ZNF536: variants seen among roughly 807,000 people sequenced by gnomAD.
The protein encoded by ZNF536 is zinc finger protein 536.
Under a neutral mutation model 84.5 loss-of-function variants are expected in ZNF536, and 13 were observed. That is an observed-to-expected ratio of 0.15 (90% CI 0.10 to 0.24). ZNF536 has a LOEUF of 0.24. ZNF536 is among the 10% of genes least tolerant of loss of function. The pLI, the probability that ZNF536 is intolerant of heterozygous loss-of-function variation, is 1.00. For synonymous variants in ZNF536, 811 were observed against 742.5 expected (o/e 1.09, Z -1.50); for missense variants, 1,536 against 1,747.5 (o/e 0.88, Z 2.16).
intron 1 of ZNF536, among the ~76,000 whole-genome samples, chr19:30,595,533 C>T (rs142769789): frequency 2.9e-3 from 441 of 152,180 alleles, no homozygotes; most frequent in Non-Finnish European, 3.4e-3. Flanking sequence ...AGCAATCCTC[C>T]CACCTTGGCC....
At chr19:30,279,511 T>C (rs1051449926) in intron 1 of ZNF536, among the ~76,000 whole-genome samples, 4 of 152,184 alleles carry the variant, frequency 2.6e-5, no homozygotes, top group African/African-American at 7.2e-5. Context: ...AGAGAATCAC[T>C]CAGTGCTTGG....
At chr19:30,251,561 T>C (rs2024612622) in intron 1 of ZNF536, among the ~76,000 whole-genome samples, 1 of 152,228 alleles carries the variant, frequency 6.6e-6, no homozygotes. Context: ...AAACATCATA[T>C]AGTAAATTCG....
rs1288460934 is a variant in ZNF536 at position 30,265,590 on chromosome 19, A to T, written c.-189-18482A>T. ...AGGAACTGGGGAGACGCACTCAGAAAGGGGCTGAATTGCCTGTGGTCCCTG... is the reference window on the plus strand; with the variant it reads ...AGGAACTGGGGAGACGCACTCAGAATGGGGCTGAATTGCCTGTGGTCCCTG... On this transcript the variant is annotated intron_variant, in intron 1 of 5. Coordinates refer to the ZNF536 transcript ENST00000585628. Among the ~76,000 whole-genome samples the T allele has an allele frequency of 2.0e-5, 3 of 152,336 alleles. 1 individual carries two copies. The South Asian group carries it at 6.2e-4, about 32-fold the overall frequency.
intron 2 of ZNF536, among the ~76,000 whole-genome samples, chr19:30,490,067 T>C (rs1437475805): frequency 1.3e-5 from 2 of 152,346 alleles, no homozygotes; most frequent in East Asian, 1.9e-4. Context: ...CATATTTCAA[T>C]TGAGTTTGGT....
chr19:30,377,008 G>C (rs2048845138), intron 1 of ZNF536, among the ~76,000 whole-genome samples: 2 of 152,336 alleles, frequency 1.3e-5, no homozygotes, highest in Middle Eastern at 3.4e-3. Flanking sequence ...GGGGAGGCTG[G>C]CAGGCATGCT....
At chr19:30,468,630 A>G (rs1170247994) in intron 2 of ZNF536, among the ~76,000 whole-genome samples, 1 of 151,826 alleles carries the variant, frequency 6.6e-6, no homozygotes, top group Non-Finnish European at 1.5e-5. Context: ...GGGGTTCTTG[A>G]TGGTGGTTGG....
chr19:30,399,332 T>C (rs28834372), intron 1 of ZNF536, among the ~76,000 whole-genome samples: 1 of 151,908 alleles, frequency 6.6e-6, no homozygotes, highest in Non-Finnish European at 1.5e-5. Flanking sequence ...GTCAGATGGA[T>C]AGATTGCAAA....
At chr19:30,262,856 C>T (rs540099836) in intron 1 of ZNF536, among the ~76,000 whole-genome samples, 9 of 152,240 alleles carry the variant, frequency 5.9e-5, no homozygotes, top group East Asian at 5.8e-4. Context: ...TTTCTGAGGA[C>T]GCCTCCAAGG....
chr19:30,428,622 G>A (rs895747764), intron 1 of ZNF536, among the ~76,000 whole-genome samples: 1 of 151,934 alleles, frequency 6.6e-6, no homozygotes, highest in Non-Finnish European at 1.5e-5. Context: ...GAACACCTTG[G>A]GGTTCTCTGA....
intron 1 of ZNF536, among the ~76,000 whole-genome samples, chr19:30,435,610 C>A (rs2051711264): frequency 6.6e-6 from 1 of 151,834 alleles, no homozygotes; most frequent in Non-Finnish European, 1.5e-5. Flanking sequence ...GATGGTGATG[C>A]TCTTGCTGCT....
chr19:30,622,687 C>A (rs2048526017), intron 1 of ZNF536, among the ~76,000 whole-genome samples: 1 of 152,188 alleles, frequency 6.6e-6, no homozygotes, highest in South Asian at 2.1e-4. Context: ...CTCCCTGGTT[C>A]CCCGCTACGC....
intron 1 of ZNF536, among the ~76,000 whole-genome samples, chr19:30,387,653 G>A (rs959343702): frequency 1.3e-5 from 2 of 152,212 alleles, no homozygotes; most frequent in African/African-American, 4.8e-5. Flanking sequence ...AACAGAAAGG[G>A]ACATTTGTTG....
intron 1 of ZNF536, among the ~76,000 whole-genome samples, chr19:30,681,258 A>G (rs2050959846): frequency 6.6e-6 from 1 of 152,154 alleles, no homozygotes; most frequent in Admixed American, 6.5e-5. Flanking sequence ...GGAACCCACA[A>G]GGGTCCTGAC....
intron 1 of ZNF536, among the ~76,000 whole-genome samples, chr19:30,643,461 A>G (rs981154516): frequency 3.3e-5 from 5 of 152,222 alleles, no homozygotes; most frequent in African/African-American, 1.2e-4. Context: ...CTAAACTTTT[A>G]TACCATTTAT....
intron 1 of ZNF536, among the ~76,000 whole-genome samples, chr19:30,402,898 C>A (rs955841601): frequency 2.0e-5 from 3 of 150,264 alleles, no homozygotes; most frequent in African/African-American, 7.3e-5. Flanking sequence ...ACCCCCACCC[C>A]ACCCTGGCCA....
At position 30,445,101 on chromosome 19, in the gene ZNF536, G is replaced by A. The variant is rs765837512; in HGVS notation, c.1539G>A (p.Ala513=). 6.8e-6 allele frequency: 11 copies of A among 1,613,628 alleles called. No individual in the cohort carries two copies. The highest frequency in any genetic ancestry group is 6.7e-5 in the Admixed American group (4 of 60,014). ...GGCTGCAGGCGGCTGCCAAGGCTGCGGAGATGGACCCCGTGAACAGCTACC... is the reference window on the plus strand; with the variant it reads ...GGCTGCAGGCGGCTGCCAAGGCTGCAGAGATGGACCCCGTGAACAGCTACC... ...IERLQAAAKA[A]EMDPVNSYQA... is the part of the protein sequence containing the mutation. The change falls in exon 2 of 5, where the codon GCG becomes GCA. Residue 513 remains alanine (A), a synonymous_variant. Transcript: ENST00000355537. This position sits in a 1 kb window ranked among gnomAD's most constrained non-coding sequence, Gnocchi z 4.5.
At chr19:30,225,713 C>T (rs1459940491), upstream of ZNF536, among the ~76,000 whole-genome samples, 2 of 45,690 alleles carry the variant, frequency 4.4e-5, no homozygotes, top group Admixed American at 6.0e-4. Flanking sequence ...GGGCGCGGCG[C>T]GGTGCGGGGG....
chr19:30,400,175 T>C (rs1489894477), intron 1 of ZNF536, among the ~76,000 whole-genome samples: 1 of 152,146 alleles, frequency 6.6e-6, no homozygotes, highest in African/African-American at 2.4e-5. Context: ...ATAGCCAAAA[T>C]TTCTGTGAAC....
chr19:30,485,927 A>G (rs1486887782), intron 2 of ZNF536, among the ~76,000 whole-genome samples: 1 of 152,088 alleles, frequency 6.6e-6, no homozygotes, highest in Non-Finnish European at 1.5e-5. Flanking sequence ...CAACCTGGAG[A>G]ACCCATAGCA....
Sources: gnomAD v4.1 joint callset for allele counts (sites outside exome capture counted in the v4.1 genomes callset) on GRCh38, gnomAD v4.1.1 for gene constraint, Gnocchi (gnomAD v3.1) non-coding constraint, MANE v1.5 for transcripts, NCBI Gene and HGNC (gene_info 2026-07-23, HGNC 2026-07-21) for gene names.